The following RAB30 variants were observed in gnomAD, a reference collection of about 807,000 sequenced individuals.
The protein encoded by RAB30 is ras-related protein Rab-30.
RAB30 carries 9 observed loss-of-function variants against 25.1 expected under a neutral mutation model. The observed-to-expected ratio is 0.36, with a 90% CI of 0.22 to 0.63. The LOEUF (loss-of-function observed/expected upper bound fraction) is 0.63. Among genes scored for constraint, RAB30 ranks in the 20% least tolerant of loss-of-function variants. The pLI, the probability that RAB30 is intolerant of heterozygous loss-of-function variation, is 0.69. For missense variants in RAB30, 140 were observed against 243.5 expected (o/e 0.58, Z 2.83); for synonymous variants, 77 against 86.4 (o/e 0.89, Z 0.60).
intron 1 of RAB30, among the ~76,000 whole-genome samples, chr11:83,050,880 A>C (rs1359528422): frequency 6.6e-6 from 1 of 152,172 alleles, no homozygotes; most frequent in Non-Finnish European, 1.5e-5. Context: ...GAAAGGTTGC[A>C]GTGAACCGAG....
At chr11:83,045,050 C>T (rs777816740) in intron 1 of RAB30, among the ~76,000 whole-genome samples, 3 of 152,140 alleles carry the variant, frequency 2.0e-5, no homozygotes, top group Non-Finnish European at 2.9e-5. Flanking sequence ...AATAGGCTTT[C>T]CTAGCCGAAA....
At chr11:83,065,006 A>C (rs891005512) in intron 1 of RAB30, among the ~76,000 whole-genome samples, 1 of 151,836 alleles carries the variant, frequency 6.6e-6, no homozygotes, top group Non-Finnish European at 1.5e-5. Context: ...GTTGTCTTTC[A>C]TGCGTGACAT....
intron 1 of RAB30, among the ~76,000 whole-genome samples, chr11:83,064,965 T>C (rs932290533): frequency 5.3e-5 from 8 of 152,226 alleles, no homozygotes; most frequent in East Asian, 1.9e-4. Context: ...TCCCTTAATA[T>C]AGATTGTCGT....
chr11:83,035,252 G>A (rs1212747007), intron 1 of RAB30: 1 of 152,124 alleles, frequency 6.6e-6, no homozygotes, highest in Non-Finnish European at 1.5e-5. Context: ...GAGCCACCTA[G>A]ATCATCATGC....
rs774223378 is a variant in RAB30 at position 82,997,241 on chromosome 11, C to T, written c.76G>A (p.Val26Ile). 3.7e-6 allele frequency: 6 copies of T among 1,610,982 alleles called. No individual in the cohort carries two copies. Among genetic ancestry groups the T allele is most frequent in the Non-Finnish European group, 4.2e-6 (5 of 1,177,170 alleles). Residue 26 changes from valine to isoleucine, a missense_variant, in exon 2 of 5, where the codon GTC (valine) becomes ATC (isoleucine). Coordinates refer to ENST00000527633, the MANE Select transcript of RAB30 (RefSeq NM_001286060.2). ...TCCCTTACCTGAGTGAATCTTCGGA[C>T]GAGGCACGTCTTCCCCACACCAGCG... is the stretch of plus-strand genomic sequence containing the variant. ...GNAGVGKTCL[V>I]RRFTQGLFPP...
intron 1 of RAB30, among the ~76,000 whole-genome samples, chr11:83,002,336 A>C (rs1042440067): frequency 6.6e-6 from 1 of 152,190 alleles, no homozygotes; most frequent in African/African-American, 2.4e-5. Context: ...TCAGGACCTG[A>C]AGTCACACTT....
intron 1 of RAB30, among the ~76,000 whole-genome samples, chr11:82,998,542 TGTC>T (rs891813429): frequency 1.5e-5 from 2 of 135,306 alleles, no homozygotes; most frequent in African/African-American, 6.0e-5. Context: ...AGTGAGACTC[TGTC>T]TAAAAAAAAA....
At position 82,980,540 on chromosome 11, in the gene RAB30, T is replaced by C. The variant is rs1856619769; in HGVS notation, c.*1625A>G. The C allele has an allele frequency of 6.6e-6, 1 of 152,228 alleles. No homozygotes were observed. The highest frequency in any genetic ancestry group is 2.1e-4 in the South Asian group (1 of 4,830). 9.4% of individuals were successfully genotyped at this position (152,228 alleles called of 1,614,324 possible). On this transcript the variant is annotated 3_prime_UTR_variant, in exon 5 of 5. Transcript: ENST00000527633. The stretch of plus-strand genomic sequence containing the variant: ...GTCACCATCTACAGCAACAGTGGAA[T>C]TACACATCATATCCTTATTCCATTA...
At chr11:83,017,845 T>C (rs1857473579) in intron 1 of RAB30, among the ~76,000 whole-genome samples, 1 of 152,252 alleles carries the variant, frequency 6.6e-6, no homozygotes, top group Non-Finnish European at 1.5e-5. Context: ...AACATGTGTG[T>C]GCAAGTGTCT....
chr11:82,974,572 T>G lies in RAB30; in HGVS notation c.*7593A>C, dbSNP rs141168198. ...TTTATATAACGCTGTATACAAATAA[T>G]ACTGATATCCTATGCTTAAAACCAA... is the stretch of plus-strand genomic sequence containing the variant. On this transcript the variant is annotated 3_prime_UTR_variant, in exon 5 of 5. Coordinates refer to ENST00000527633, the MANE Select transcript of RAB30 (RefSeq NM_001286060.2). 9.5e-4 allele frequency: 145 copies of G among 152,296 alleles called. No homozygotes were observed. The highest frequency in any genetic ancestry group is 3.4e-3 in the Middle Eastern group (1 of 294). 9.4% of individuals were successfully genotyped at this position (152,296 alleles called of 1,614,324 possible). A position where few individuals can be genotyped will look rare whatever the true frequency, so the allele number is the denominator to read the frequency against.
chr11:83,040,910 CT>C (rs1565286633), intron 1 of RAB30: 1 of 153,758 alleles, frequency 6.5e-6, no homozygotes, highest in African/African-American at 2.4e-5. Flanking sequence ...TTCATCTGCA[CT>C]GGCTGGGCAC....
chr11:82,998,460 AT>A (rs1423875681), intron 1 of RAB30, among the ~76,000 whole-genome samples: 1 of 151,484 alleles, frequency 6.6e-6, no homozygotes, highest in African/African-American at 2.4e-5. Context: ...AGGCACAAGA[AT>A]CGCTTGAACC....
intron 4 of RAB30, among the ~76,000 whole-genome samples, chr11:82,985,715 T>A (rs1856727644): frequency 1.1e-5 from 1 of 92,442 alleles, no homozygotes; most frequent in Admixed American, 9.5e-5. Flanking sequence ...CTTACTTGGC[T>A]TTTTTTTTTT....
chr11:82,998,793 C>T (rs1857014668), intron 1 of RAB30, among the ~76,000 whole-genome samples: 1 of 151,448 alleles, frequency 6.6e-6, no homozygotes, highest in South Asian at 2.1e-4. Context: ...CAGAACAGAC[C>T]CAATAGACTC....
At chr11:82,989,042 C>G (rs528380709) in intron 3 of RAB30, among the ~76,000 whole-genome samples, 100 of 152,264 alleles carry the variant, frequency 6.6e-4, no homozygotes, top group Non-Finnish European at 1.3e-3. Flanking sequence ...CGTCAGGGTC[C>G]ATTTAGAGCA....
chr11:83,049,447 T>C (rs1858306647), intron 1 of RAB30, among the ~76,000 whole-genome samples: 1 of 135,042 alleles, frequency 7.4e-6, no homozygotes. Context: ...GCCTGGTTTT[T>C]CTGGGGGGCA....
chr11:83,031,917 T>A (rs972107524), intron 1 of RAB30, among the ~76,000 whole-genome samples: 2 of 152,216 alleles, frequency 1.3e-5, no homozygotes, highest in African/African-American at 4.8e-5. Context: ...CATGTGCTGA[T>A]GAAGCACCTG....
At chr11:83,038,821 C>CAAAAAAAAAAAAAAAAAAAAAAAAA (rs1338222122) in intron 1 of RAB30, 1 of 144,500 alleles carries the variant, frequency 6.9e-6, no homozygotes, top group African/African-American at 2.5e-5. Context: ...AACTCCATCT[C>CAAAAAAAAAAAAAAAAAAAAAAAAA]AAAAAAAATA....
intron 1 of RAB30, among the ~76,000 whole-genome samples, chr11:83,048,590 C>A (rs1379221974): frequency 6.6e-6 from 1 of 151,916 alleles, no homozygotes; most frequent in African/African-American, 2.4e-5. Flanking sequence ...TTTCTTTTTC[C>A]AATAGCCAGA....
Sources: allele counts gnomAD v4.1 joint callset (sites outside exome capture counted in the v4.1 genomes callset), GRCh38; gene constraint gnomAD v4.1.1; transcripts MANE v1.5; gene names NCBI Gene and HGNC (gene_info 2026-07-23, HGNC 2026-07-21).